Variants in LRGUK observed in about 807,000 individuals in gnomAD.
LRGUK encodes leucine rich repeats and guanylate kinase domain containing, also known as leucine-rich repeat and guanylate kinase domain-containing protein.
A neutral mutation model predicts 76.0 loss-of-function variants in LRGUK; 65 were observed. The observed-to-expected ratio is 0.85, with a 90% CI of 0.70 to 1.05. The LOEUF (loss-of-function observed/expected upper bound fraction) is 1.05, where lower values mean the gene tolerates loss of function less well. LRGUK is among the 50% of genes least tolerant of loss of function. The pLI is 0.00. For synonymous variants in LRGUK, 268 were observed against 265.6 expected (o/e 1.01, Z -0.09); for missense variants, 758 against 732.8 (o/e 1.03, Z -0.40).
chr7:134,202,926 C>A (rs960461584), intron 15 of LRGUK, among the ~76,000 whole-genome samples: 1 of 152,084 alleles, frequency 6.6e-6, no homozygotes, highest in African/African-American at 2.4e-5. Context: ...TTAAGATGGC[C>A]GGGCGTGGTG....
chr7:134,251,425 A>G (rs1284296162), intron 18 of LRGUK, among the ~76,000 whole-genome samples: 1 of 152,220 alleles, frequency 6.6e-6, no homozygotes, highest in African/African-American at 2.4e-5. Context: ...GGAAGGAATC[A>G]GCCCTGCTGA....
chr7:134,234,919 T>A (rs2598256), intron 16 of LRGUK, among the ~76,000 whole-genome samples: 1 of 152,080 alleles, frequency 6.6e-6, no homozygotes, highest in African/African-American at 2.4e-5. Context: ...CTTTGTACTC[T>A]TTTCTCTCCC....
At chr7:134,237,614 C>A (rs143465189) in intron 16 of LRGUK, among the ~76,000 whole-genome samples, 23 of 151,962 alleles carry the variant, frequency 1.5e-4, no homozygotes, top group Non-Finnish European at 2.7e-4. Flanking sequence ...ACAAGATAAT[C>A]CATGATTTCT....
intron 5 of LRGUK, among the ~76,000 whole-genome samples, chr7:134,152,050 CAA>C (rs1798243598): frequency 6.6e-6 from 1 of 151,820 alleles, no homozygotes; most frequent in African/African-American, 2.4e-5. Context: ...CACCATAAAA[CAA>C]GAGAAAGAAA....
rs3030440 is a variant in LRGUK, at chr7:134,180,290, GTCCATCCATCCATCCATCCA to G, written c.1214+1710_1214+1729del. Among the ~76,000 whole-genome samples, 1,234 of 149,896 alleles carry G rather than the reference GTCCATCCATCCATCCATCCA, an allele frequency of 8.2e-3. 25 individuals carry two copies. Among genetic ancestry groups the G allele is most frequent in the African/African-American group, 0.029 (1,184 of 40,688 alleles). On this transcript the variant is annotated intron_variant, in intron 10 of 15. Transcript: ENST00000645682. ...TGTAACTCTTTTCATCAATTCCTCT[GTCCATCCATCCATCCATCCA>G]TCCATCCATCCATCCATCCATCCAT...
chr7:134,158,764 T>C (rs1798590147), intron 6 of LRGUK, among the ~76,000 whole-genome samples: 1 of 152,150 alleles, frequency 6.6e-6, no homozygotes, highest in Non-Finnish European at 1.5e-5. Flanking sequence ...TATGACTCAA[T>C]TTACAGAAAT....
chr7:134,147,291 C>T (rs1798013268), intron 4 of LRGUK, among the ~76,000 whole-genome samples: 1 of 151,654 alleles, frequency 6.6e-6, no homozygotes, highest in Admixed American at 6.6e-5. Context: ...ACAAAAAACC[C>T]GGGTGTGGTG....
chr7:134,210,063 T>G lies in LRGUK; in HGVS notation c.3200T>G (p.Leu1067Arg), dbSNP rs762428745. The stretch of plus-strand genomic sequence containing the variant: ...GCCTCACCCCACAACCAGGGGCCAC[T>G]TCAGCAGACAGGGGCTAGGGAAAAA... Residue 1067 changes from leucine to arginine, a missense_variant, in exon 16 of 16, where the codon CTT (leucine) becomes CGT (arginine). Coordinates refer to ENST00000645682, the Ensembl canonical transcript of LRGUK. The G allele has an allele frequency of 9.0e-5, 36 of 399,270 alleles. 1 individual carries two copies. The highest frequency in any genetic ancestry group is 1.5e-4 in the Non-Finnish European group (35 of 226,486). 24.7% of individuals were successfully genotyped at this position (399,270 alleles called of 1,614,324 possible).
At chr7:134,246,566 C>G (rs754641117) in intron 16 of LRGUK, among the ~76,000 whole-genome samples, 5 of 152,228 alleles carry the variant, frequency 3.3e-5, no homozygotes, top group Non-Finnish European at 7.3e-5. Context: ...CTTTCACTAT[C>G]GTCTGTCCTT....
downstream of LRGUK, among the ~76,000 whole-genome samples, chr7:134,267,048 A>G (rs935840589): frequency 1.3e-5 from 2 of 152,230 alleles, no homozygotes; most frequent in African/African-American, 4.8e-5. Flanking sequence ...TCCTTCAGGT[A>G]TGAAGGAGAA....
intron 11 of LRGUK, among the ~76,000 whole-genome samples, chr7:134,186,521 G>A (rs75986021): frequency 0.13 from 20,104 of 152,186 alleles, 1,971 homozygotes; most frequent in East Asian, 0.38. Flanking sequence ...CTGATTGAGT[G>A]AATGGTTGGC....
downstream of LRGUK, among the ~76,000 whole-genome samples, chr7:134,210,659 C>T (rs1016427115): frequency 2.6e-5 from 4 of 152,306 alleles, no homozygotes; most frequent in African/African-American, 7.2e-5. Context: ...ACAGGTTCAT[C>T]GAAAGGGCAG....
chr7:134,163,334 T>C (rs1191646037), intron 6 of LRGUK, 63 bp from the exon 7 acceptor site: 6 of 1,460,184 alleles, frequency 4.1e-6, no homozygotes, highest in Non-Finnish European at 5.5e-6. Context: ...AAATGAAAAC[T>C]TGCCATTACA....
At position 134,148,291 on chromosome 7, in the gene LRGUK, T is replaced by C. The variant is rs757278885; in HGVS notation, c.642T>C (p.Tyr214=). ...CTGAAATTTGTGATTTGTCAGCGTATCATGCTCTCACTAAACTAATTTTGG... is the reference window on the plus strand; with the variant it reads ...CTGAAATTTGTGATTTGTCAGCGTACCATGCTCTCACTAAACTAATTTTGG... Residue 214 remains tyrosine (Y), a synonymous_variant, in exon 5 of 16, where the codon TAT becomes TAC. Transcript: ENST00000645682. The C allele has an allele frequency of 1.9e-6, 3 of 1,599,018 alleles. No homozygotes were observed. In the South Asian group the frequency reaches 3.4e-5, roughly 18 times the overall value.
exon 20 of LRGUK, chr7:134,263,959 C>T: frequency 6.2e-7 from 1 of 1,611,626 alleles, no homozygotes; most frequent in Non-Finnish European, 8.5e-7. Context: ...CCTCCAATCC[C>T]TCAGGGCCGC....
At chr7:134,223,970 TGG>T (rs1801667330) in intron 16 of LRGUK, among the ~76,000 whole-genome samples, 1 of 152,038 alleles carries the variant, frequency 6.6e-6, no homozygotes. Flanking sequence ...TTGCTATACC[TGG>T]GGTAATGGGT....
intron 6 of LRGUK, among the ~76,000 whole-genome samples, chr7:134,162,263 G>T (rs549265992): frequency 1.3e-4 from 20 of 152,268 alleles, no homozygotes; most frequent in Admixed American, 1.1e-3. Context: ...CATCTTAGTT[G>T]GGGGCTTGGC....
At chr7:134,254,793 A>G (rs1302640665) in intron 18 of LRGUK, among the ~76,000 whole-genome samples, 1 of 152,236 alleles carries the variant, frequency 6.6e-6, no homozygotes, top group Non-Finnish European at 1.5e-5. Context: ...ATGTCAAAAA[A>G]TAACAGAATG....
At chr7:134,199,568 G>C (rs141416677) in intron 14 of LRGUK, 147 bp downstream of exon 14, 3 of 644,758 alleles carry the variant, frequency 4.7e-6, no homozygotes, top group African/African-American at 3.7e-5. Flanking sequence ...AAGAATCCAA[G>C]AGGTCTAATC....
Sources: allele counts gnomAD v4.1 joint callset (sites outside exome capture counted in the v4.1 genomes callset), GRCh38; gene constraint gnomAD v4.1.1; transcripts MANE v1.5; gene names NCBI Gene and HGNC (gene_info 2026-07-23, HGNC 2026-07-21).